Variants in UPRT observed in about 807,000 individuals in gnomAD.
UPRT encodes the protein uracil phosphoribosyltransferase homolog, also known as RP11-311P8.3.
In UPRT, 5 loss-of-function variants were observed where a neutral mutation model predicts 22.6. That is an observed-to-expected ratio of 0.22 (90% confidence interval 0.12 to 0.47). The LOEUF (loss-of-function observed/expected upper bound fraction) is 0.47, where lower values mean the gene tolerates loss of function less well. Among genes scored for constraint, UPRT ranks in the 20% least tolerant of loss-of-function variants. UPRT has a pLI of 0.99. For synonymous variants in UPRT, 77 were observed against 87.7 expected (o/e 0.88, Z 0.68); for missense variants, 181 against 239.9 (o/e 0.75, Z 1.62).
intron 4 of UPRT, among the ~76,000 whole-genome samples, chrX:75,216,690 A>G (rs1021973781): frequency 8.9e-6 from 1 of 112,499 alleles, no homozygotes; most frequent in Non-Finnish European, 1.9e-5. Context: ...ATTCTGTTTG[A>G]CCATCCAGCT....
At chrX:75,228,345 G>A (rs1236722479) in intron 4 of UPRT, among the ~76,000 whole-genome samples, 1 of 111,677 alleles carries the variant, frequency 9.0e-6, no homozygotes, top group African/African-American at 3.3e-5. Flanking sequence ...TCCTAGGAAA[G>A]GAATTAGTTA....
chrX:75,281,926 A>G (rs1317629742), intron 1 of UPRT, among the ~76,000 whole-genome samples: 2 of 110,862 alleles, frequency 1.8e-5, no homozygotes, highest in African/African-American at 6.6e-5. Flanking sequence ...TTTTTAAATT[A>G]CCATTTCAGT....
chrX:75,215,803 G>A (rs981008932), intron 4 of UPRT, among the ~76,000 whole-genome samples: 2 of 110,746 alleles, frequency 1.8e-5, no homozygotes, highest in East Asian at 2.8e-4. Context: ...ATCTGCACAC[G>A]TACTTCCTGT....
rs1469446186 is a variant in UPRT, at chrX:75,304,218, G to A, written c.*707G>A. On this transcript the variant is annotated 3_prime_UTR_variant, in exon 7 of 7. Coordinates refer to ENST00000373383, the MANE Select transcript of UPRT (RefSeq NM_145052.4). ...AAGATTGAACCGGGGATGTCTGGAT[G>A]CTGACAAGGGAGAGCCAAGTACTGT... is the stretch of plus-strand genomic sequence containing the variant. 1 of 111,451 alleles carries A rather than the reference G, an allele frequency of 9.0e-6. No homozygotes were observed. Among genetic ancestry groups the A allele is most frequent in the African/African-American group, 3.3e-5 (1 of 30,678 alleles). 9.2% of individuals were successfully genotyped at this position (111,451 alleles called of 1,213,427 possible).
intron 1 of UPRT, among the ~76,000 whole-genome samples, chrX:75,276,967 A>G (rs1287629909): frequency 8.9e-6 from 1 of 111,945 alleles, no homozygotes; most frequent in East Asian, 2.8e-4. Flanking sequence ...TGCACATTAC[A>G]TATAAAAAAT....
At chrX:75,253,289 A>G (rs2082538295) in intron 4 of UPRT, among the ~76,000 whole-genome samples, 1 of 112,391 alleles carries the variant, frequency 8.9e-6, no homozygotes, top group African/African-American at 3.2e-5. Context: ...CATATGTGCA[A>G]CCTAAAATTA....
intron 1 of UPRT, among the ~76,000 whole-genome samples, chrX:75,277,719 G>C (rs1248555472): frequency 9.0e-6 from 1 of 111,537 alleles, no homozygotes; most frequent in Non-Finnish European, 1.9e-5. Flanking sequence ...ACTCTATGTG[G>C]AATTCACTTT....
intron 1 of UPRT, among the ~76,000 whole-genome samples, chrX:75,280,947 T>C (rs2082654262): frequency 9.0e-6 from 1 of 111,321 alleles, no homozygotes; most frequent in Admixed American, 9.6e-5. Flanking sequence ...ATTATTTCTT[T>C]CAGCAGTGTT....
intron 4 of UPRT, among the ~76,000 whole-genome samples, chrX:75,223,647 C>T (rs894986057): frequency 2.7e-5 from 3 of 111,480 alleles, no homozygotes; most frequent in African/African-American, 9.8e-5. Flanking sequence ...TGCAAAGTCC[C>T]ACAATCACTG....
intron 4 of UPRT, among the ~76,000 whole-genome samples, chrX:75,170,247 G>A (rs1464923871): frequency 1.8e-5 from 2 of 110,926 alleles, no homozygotes; most frequent in Non-Finnish European, 3.8e-5. Flanking sequence ...ATGTTGGCCA[G>A]GCTGATCTCA....
At chrX:75,269,225 A>G (rs922106560), upstream of UPRT, among the ~76,000 whole-genome samples, 4 of 111,947 alleles carry the variant, frequency 3.6e-5, no homozygotes, top group Non-Finnish European at 7.5e-5. Context: ...TTCAAGGCGA[A>G]CTAGAAACCA....
At chrX:75,183,382 A>G (rs2082277709) in intron 4 of UPRT, among the ~76,000 whole-genome samples, 1 of 111,936 alleles carries the variant, frequency 8.9e-6, no homozygotes, top group African/African-American at 3.2e-5. Context: ...ATAGTATAAT[A>G]TGGTGTATAT....
chrX:75,290,694 A>G (rs1206934482), intron 1 of UPRT, among the ~76,000 whole-genome samples: 1 of 111,405 alleles, frequency 9.0e-6, no homozygotes, highest in Non-Finnish European at 1.9e-5. Flanking sequence ...TTAATGCAGG[A>G]ACAGAAAATC....
chrX:75,251,676 T>C (rs1194810690), intron 4 of UPRT, among the ~76,000 whole-genome samples: 2 of 111,776 alleles, frequency 1.8e-5, no homozygotes, highest in African/African-American at 6.5e-5. Flanking sequence ...CCCATTAAGC[T>C]ACCAATGACT....
chrX:75,201,163 C>T (rs186535741), intron 4 of UPRT, among the ~76,000 whole-genome samples: 1 of 112,081 alleles, frequency 8.9e-6, no homozygotes, highest in African/African-American at 3.2e-5. Context: ...CCTGTAATGT[C>T]TTTGCATTTG....
intron 4 of UPRT, among the ~76,000 whole-genome samples, chrX:75,209,042 G>T (rs2082373630): frequency 8.9e-6 from 1 of 111,915 alleles, no homozygotes; most frequent in Non-Finnish European, 1.9e-5. Flanking sequence ...GGGCACTGAG[G>T]ATTAACCAGG....
chrX:75,212,099 C>T (rs1046552672), intron 4 of UPRT, among the ~76,000 whole-genome samples: 1 of 111,962 alleles, frequency 8.9e-6, no homozygotes, highest in Non-Finnish European at 1.9e-5. Context: ...TCTCATAGCC[C>T]AAACTACCAT....
chrX:75,283,556 A>T (rs2082667701), intron 1 of UPRT, among the ~76,000 whole-genome samples: 1 of 111,168 alleles, frequency 9.0e-6, no homozygotes, highest in Non-Finnish European at 1.9e-5. Context: ...TATGATGCTT[A>T]GTTTTGCTGC....
chrX:75,298,040 G>T (rs944134294), intron 4 of UPRT, among the ~76,000 whole-genome samples: 11 of 106,755 alleles, frequency 1.0e-4, no homozygotes, highest in African/African-American at 3.8e-4. Flanking sequence ...GTATGGTGGC[G>T]TGATCATAGC....
Sources: gnomAD v4.1 joint callset for allele counts (sites outside exome capture counted in the v4.1 genomes callset) on GRCh38, gnomAD v4.1.1 for gene constraint, MANE v1.5 for transcripts, NCBI Gene and HGNC (gene_info 2026-07-23, HGNC 2026-07-21) for gene names.